PCDHGA10: variants seen among roughly 807,000 people sequenced by gnomAD.
The protein encoded by PCDHGA10 is protocadherin gamma subfamily A, 10.
Under a neutral mutation model 59.5 loss-of-function variants are expected in PCDHGA10, and 42 were observed. That is an observed-to-expected ratio of 0.71 (90% CI 0.55 to 0.91). PCDHGA10 has a LOEUF of 0.91. PCDHGA10 is among the 40% of genes least tolerant of loss of function. The pLI, the probability that PCDHGA10 is intolerant of heterozygous loss-of-function variation, is 0.00. For missense variants in PCDHGA10, 1,111 were observed against 1,198.2 expected, an observed-to-expected ratio of 0.93 and a Z score of 1.07; for synonymous variants, 511 against 517.2, an observed-to-expected ratio of 0.99 and a Z score of 0.16.
intron 3 of PCDHGA10, among the ~76,000 whole-genome samples, chr5:141,506,877 G>A (rs998146154): frequency 1.3e-5 from 2 of 152,142 alleles, no homozygotes; most frequent in Non-Finnish European, 2.9e-5. Flanking sequence ...AGAGAACCAG[G>A]TGAAATCACA....
chr5:141,441,993 G>T (rs577673608), intron 1 of PCDHGA10: 16 of 251,180 alleles, frequency 6.4e-5, no homozygotes, highest in East Asian at 3.9e-4. Flanking sequence ...CACCGACGAG[G>T]TGCTGACAGC....
rs369529373 is a variant in PCDHGA10 at position 141,458,890 on chromosome 5, C to T, written c.2437-35917C>T. Among the ~76,000 whole-genome samples, 87 of 152,160 alleles carry T rather than the reference C, an allele frequency of 5.7e-4. 1 individual carries two copies. In the South Asian group the frequency reaches 0.016, roughly 28 times the overall value. ...TGGGACTACAGGCATGCACACCATG[C>T]GCAGCTAATTTTTTCTATTTTTTGT... On this transcript the variant is annotated intron_variant, in intron 1 of 3. Coordinates refer to ENST00000398610, the MANE Select transcript of PCDHGA10 (RefSeq NM_018913.3).
chr5:141,423,494 A>C lies in PCDHGA10; in HGVS notation c.2436+7883A>C, dbSNP rs753859784. ...CAGGCTTTCCTGCAAACCTATTCCCACGAGGTCTCTCTCATTGCGGACTCG... is the reference window on the plus strand; with the variant it reads ...CAGGCTTTCCTGCAAACCTATTCCCCCGAGGTCTCTCTCATTGCGGACTCG... On this transcript the variant is annotated intron_variant, in intron 1 of 3. Transcript: ENST00000398610. The C allele has an allele frequency of 3.8e-5, 61 of 1,613,842 alleles. No individual in the cohort carries two copies. The highest frequency in any genetic ancestry group is 5.9e-6 in the Non-Finnish European group (7 of 1,179,940).
intron 1 of PCDHGA10, chr5:141,417,666 G>C (rs1487166683): frequency 3.1e-5 from 28 of 917,486 alleles, no homozygotes; most frequent in Non-Finnish European, 4.2e-5. Context: ...GGGATTCCCT[G>C]CGCAGCCAAC....
intron 1 of PCDHGA10, chr5:141,478,644 T>C (rs1217932733): frequency 6.4e-7 from 1 of 1,552,238 alleles, no homozygotes. Flanking sequence ...GATGAAGATG[T>C]TTTCCTGGTG....
intron 1 of PCDHGA10, chr5:141,422,758 A>AAC (rs748292321): frequency 6.2e-7 from 1 of 1,613,150 alleles, no homozygotes. Flanking sequence ...TATTAACTCC[A>AAC]ACACTGGTGT....
chr5:141,413,372 G>T lies in PCDHGA10; in HGVS notation c.197G>T (p.Arg66Leu), dbSNP rs760934804. The part of the protein sequence containing the change: ...LGLAPRELAE[R>L]GVRIVSRGRT... ...CTGGCGCCCCGGGAGCTGGCGGAGCGCGGAGTCCGCATAGTCTCCAGAGGT... is the reference window on the plus strand; with the variant it reads ...CTGGCGCCCCGGGAGCTGGCGGAGCTCGGAGTCCGCATAGTCTCCAGAGGT... Residue 66 changes from arginine to leucine, a missense_variant, in exon 1 of 4, where the codon CGC becomes CTC. Arg to Leu is a moderately radical substitution (Grantham distance 102). Transcript: ENST00000398610. The T allele has an allele frequency of 1.9e-6, 3 of 1,613,950 alleles. No individual in the cohort carries two copies. The South Asian group carries it at 3.3e-5, about 18-fold the overall frequency.
intron 1 of PCDHGA10, chr5:141,419,854 A>G: frequency 1.9e-6 from 3 of 1,614,078 alleles, no homozygotes; most frequent in Non-Finnish European, 2.5e-6. Flanking sequence ...TGGTGTTCGC[A>G]GATAGCTTGC....
At chr5:141,419,114 A>G in intron 1 of PCDHGA10, 1 of 1,613,926 alleles carries the variant, frequency 6.2e-7, no homozygotes. Flanking sequence ...CCCAGAGTAC[A>G]ACGTCACCAT....
chr5:141,482,135 G>T (rs987110875), intron 1 of PCDHGA10, among the ~76,000 whole-genome samples: 1 of 151,836 alleles, frequency 6.6e-6, no homozygotes, highest in African/African-American at 2.4e-5. Context: ...CATATGGCTG[G>T]CATAAAAAGG....
chr5:141,417,910 A>G (rs1339671115), intron 1 of PCDHGA10: 2 of 1,599,246 alleles, frequency 1.3e-6, no homozygotes, highest in East Asian at 2.3e-5. Flanking sequence ...GGCAGGTACT[A>G]TTTCCTTTGC....
At chr5:141,433,308 C>A in intron 1 of PCDHGA10, 2 of 915,352 alleles carry the variant, frequency 2.2e-6, no homozygotes, top group Non-Finnish European at 1.6e-6. Context: ...ATTATCCCAC[C>A]TTTGCCTCCG....
chr5:141,503,912 AAC>A lies in PCDHGA10; in HGVS notation c.2496-1471_2496-1470del, dbSNP rs34419983. Among the ~76,000 whole-genome samples, 284 of 152,278 alleles carry A rather than the reference AAC, an allele frequency of 1.9e-3. 1 individual carries two copies. The highest frequency in any genetic ancestry group is 0.014 in the Middle Eastern group (4 of 292). Reference sequence around the variant, plus strand: ...GACAAAATATGCACACACACAACGCAACACACACACAGACATTTTCATGCCTT... The same window carrying A: ...GACAAAATATGCACACACACAACGCAACACACACAGACATTTTCATGCCTT... On this transcript the variant is annotated intron_variant, in intron 2 of 3. Coordinates refer to ENST00000398610, the MANE Select transcript of PCDHGA10 (RefSeq NM_018913.3).
At chr5:141,497,307 C>T (rs1295364802) in intron 2 of PCDHGA10, among the ~76,000 whole-genome samples, 1 of 152,096 alleles carries the variant, frequency 6.6e-6, no homozygotes, top group Non-Finnish European at 1.5e-5. Flanking sequence ...CCAGGCCATA[C>T]ACTGGCTTTG....
At chr5:141,451,315 T>A (rs2154563546) in intron 1 of PCDHGA10, among the ~76,000 whole-genome samples, 1 of 152,330 alleles carries the variant, frequency 6.6e-6, no homozygotes, top group South Asian at 2.1e-4. Context: ...GCAATTAAAG[T>A]GTCACCTAAG....
chr5:141,432,717 C>T lies in PCDHGA10; in HGVS notation c.2436+17106C>T. On this transcript the variant is annotated intron_variant, in intron 1 of 3. Transcript: ENST00000398610. The surrounding 1 kb of genome is among the most constrained non-coding windows in gnomAD (Gnocchi z 6.0). ...GCCGTCCAGGACCACGGCCAGCCCC[C>T]TCTCTCCGCCACTGTCACGCTCACC... 1 of 1,614,030 alleles carries T rather than the reference C, an allele frequency of 6.2e-7. No individual in the cohort carries two copies. Among genetic ancestry groups the T allele is most frequent in the Non-Finnish European group, 8.5e-7 (1 of 1,179,978 alleles).
In PCDHGA10 at chr5:141,414,893, C is replaced by T; in HGVS notation, c.1718C>T (p.Thr573Ile). 1 of 1,614,248 alleles carries T rather than the reference C, an allele frequency of 6.2e-7. No individual in the cohort carries two copies. Among genetic ancestry groups the T allele is most frequent in the Non-Finnish European group, 8.5e-7 (1 of 1,180,048 alleles). Residue 573 changes from threonine (T) to isoleucine (I), a missense_variant, in exon 1 of 4, where the codon ACA (threonine) becomes ATA (isoleucine). Coordinates refer to ENST00000398610, the MANE Select transcript of PCDHGA10 (RefSeq NM_018913.3). Reference protein sequence around the residue: ...APEILYPALPTDGSTGVELAP... With the variant: ...APEILYPALPIDGSTGVELAP... ...GAGATCCTGTACCCCGCCCTCCCCACAGACGGTTCCACAGGCGTGGAGCTG... is the reference window on the plus strand; with the variant it reads ...GAGATCCTGTACCCCGCCCTCCCCATAGACGGTTCCACAGGCGTGGAGCTG...
chr5:141,462,682 G>T (rs560423384), intron 1 of PCDHGA10, among the ~76,000 whole-genome samples: 2 of 151,790 alleles, frequency 1.3e-5, no homozygotes, highest in Non-Finnish European at 2.9e-5. Context: ...TTAAATTTTT[G>T]AGCACATTTA....
At chr5:141,480,652 A>C (rs1488188393) in intron 1 of PCDHGA10, among the ~76,000 whole-genome samples, 4 of 152,220 alleles carry the variant, frequency 2.6e-5, no homozygotes, top group Non-Finnish European at 5.9e-5. Context: ...TTGGTTGCAC[A>C]TTAAAATCAC....
Sources: gnomAD v4.1 joint callset for allele counts (sites outside exome capture counted in the v4.1 genomes callset) on GRCh38, gnomAD v4.1.1 for gene constraint, Gnocchi (gnomAD v3.1) non-coding constraint, MANE v1.5 for transcripts, NCBI Gene and HGNC (gene_info 2026-07-23, HGNC 2026-07-21) for gene names.